The following CNTNAP2 variants were observed in gnomAD, a reference collection of about 807,000 sequenced individuals.
The protein encoded by CNTNAP2 is contactin-associated protein-like 2.
CNTNAP2 carries 98 observed loss-of-function variants against 155.2 expected under a neutral mutation model. That is an observed-to-expected ratio of 0.63 (90% CI 0.54 to 0.75). The LOEUF (loss-of-function observed/expected upper bound fraction) is 0.75. Among genes scored for constraint, CNTNAP2 ranks in the 30% least tolerant of loss-of-function variants. The pLI, the probability that CNTNAP2 is intolerant of heterozygous loss-of-function variation, is 0.00. For synonymous variants in CNTNAP2, 651 were observed against 631.2 expected (o/e 1.03, Z -0.47); for missense variants, 1,727 against 1,688.1 (o/e 1.02, Z -0.40).
chr7:146,876,053 C>T (rs1795422369), intron 3 of CNTNAP2, among the ~76,000 whole-genome samples: 1 of 151,402 alleles, frequency 6.6e-6, no homozygotes, highest in South Asian at 2.1e-4. Flanking sequence ...CTTCCCTCCT[C>T]TCTTACATTA....
chr7:148,056,701 G>C (rs1459080571), intron 15 of CNTNAP2: 2 of 152,180 alleles, frequency 1.3e-5, no homozygotes, highest in African/African-American at 2.4e-5. Context: ...GCTGAGTGTG[G>C]TTCAAATATT....
intron 16 of CNTNAP2, among the ~76,000 whole-genome samples, chr7:148,136,353 A>G (rs1002325828): frequency 7.2e-5 from 11 of 151,878 alleles, no homozygotes; most frequent in African/African-American, 2.7e-4. Flanking sequence ...TTCCCATGGT[A>G]ATGAGTTCAT....
At chr7:146,757,849 A>G (rs1201790658) in intron 1 of CNTNAP2, among the ~76,000 whole-genome samples, 2 of 150,750 alleles carry the variant, frequency 1.3e-5, no homozygotes, top group African/African-American at 4.9e-5. Context: ...AACTTTTCTC[A>G]TCTCTTGGTG....
intron 6 of CNTNAP2, among the ~76,000 whole-genome samples, chr7:147,126,219 A>T (rs1003824881): frequency 6.6e-6 from 1 of 152,142 alleles, no homozygotes; most frequent in Non-Finnish European, 1.5e-5. Flanking sequence ...GGAAGAAAGG[A>T]TATGTAGAGG....
chr7:146,776,739 A>G (rs759501011), intron 2 of CNTNAP2, among the ~76,000 whole-genome samples: 37 of 152,140 alleles, frequency 2.4e-4, no homozygotes, highest in Non-Finnish European at 4.9e-4. Context: ...TTTTGCTCTC[A>G]TTTAATTCTA....
At chr7:146,622,909 A>T (rs1160788512) in intron 1 of CNTNAP2, among the ~76,000 whole-genome samples, 1 of 151,318 alleles carries the variant, frequency 6.6e-6, no homozygotes, top group Non-Finnish European at 1.5e-5. Context: ...GTGAGCTGAG[A>T]TCATGCCATT....
chr7:147,090,955 C>A (rs965122065), intron 4 of CNTNAP2, among the ~76,000 whole-genome samples: 6 of 152,010 alleles, frequency 3.9e-5, no homozygotes, highest in Admixed American at 3.9e-4. Flanking sequence ...CATTTAGGAT[C>A]TAACTTAAAA....
chr7:146,610,231 A>C (rs1162501760), intron 1 of CNTNAP2, among the ~76,000 whole-genome samples: 1 of 152,118 alleles, frequency 6.6e-6, no homozygotes, highest in African/African-American at 2.4e-5. Context: ...ATTTATTAGG[A>C]TTATTCTCGT....
chr7:146,397,929 A>T (rs34199552), intron 1 of CNTNAP2, among the ~76,000 whole-genome samples: 1 of 147,602 alleles, frequency 6.8e-6, no homozygotes, highest in African/African-American at 2.6e-5. Flanking sequence ...GCTGGAGTGC[A>T]GTGGTGTGAT....
intron 2 of CNTNAP2, among the ~76,000 whole-genome samples, chr7:146,801,210 A>G (rs1264825927): frequency 6.6e-6 from 1 of 152,092 alleles, no homozygotes; most frequent in Admixed American, 6.6e-5. Context: ...GGCTCTTTTA[A>G]ACAACTAGCT....
intron 1 of CNTNAP2, among the ~76,000 whole-genome samples, chr7:146,244,151 G>A (rs1202447990): frequency 6.6e-6 from 1 of 152,184 alleles, no homozygotes; most frequent in African/African-American, 2.4e-5. Flanking sequence ...GAATTGGGAC[G>A]ACTCAGGACA....
chr7:147,691,661 T>G (rs950404285), intron 13 of CNTNAP2, among the ~76,000 whole-genome samples: 2 of 152,186 alleles, frequency 1.3e-5, no homozygotes, highest in African/African-American at 4.8e-5. Flanking sequence ...TCCGTTAACT[T>G]ATTTACTTGC....
At chr7:148,063,811 A>G (rs1294678282) in intron 15 of CNTNAP2, among the ~76,000 whole-genome samples, 1 of 152,026 alleles carries the variant, frequency 6.6e-6, no homozygotes, top group Non-Finnish European at 1.5e-5. Flanking sequence ...GCCTAAGCCA[A>G]TGTCTAGAAG....
chr7:147,125,002 T>C (rs1465220381), intron 6 of CNTNAP2, among the ~76,000 whole-genome samples: 1 of 148,084 alleles, frequency 6.8e-6, no homozygotes, highest in African/African-American at 2.5e-5. Flanking sequence ...TGGCTCAGCC[T>C]CCTGAGTAGC....
chr7:146,693,583 T>C (rs1800733361), intron 1 of CNTNAP2, among the ~76,000 whole-genome samples: 1 of 152,188 alleles, frequency 6.6e-6, no homozygotes, highest in Non-Finnish European at 1.5e-5. Flanking sequence ...GCCAGAATAT[T>C]ATACCTTGAC....
intron 3 of CNTNAP2, among the ~76,000 whole-genome samples, chr7:146,942,192 A>G (rs1411498127): frequency 6.6e-6 from 1 of 152,100 alleles, no homozygotes; most frequent in Non-Finnish European, 1.5e-5. Flanking sequence ...GAATGGAAAA[A>G]TACCTTCAAA....
intron 12 of CNTNAP2, among the ~76,000 whole-genome samples, chr7:147,583,008 A>G (rs1800537544): frequency 6.6e-6 from 1 of 152,166 alleles, no homozygotes; most frequent in Admixed American, 6.6e-5. Context: ...TATCAAGCAG[A>G]TTCCCAGGAA....
At chr7:146,161,123 A>C (rs1443908076) in intron 1 of CNTNAP2, among the ~76,000 whole-genome samples, 5 of 152,262 alleles carry the variant, frequency 3.3e-5, no homozygotes, top group South Asian at 2.1e-4. Context: ...CAATAGATGC[A>C]GAAAAGGCCT....
rs541954330 is a variant in CNTNAP2, at chr7:148,019,800, G to A, written c.2383+41811G>A. 1.3e-4 allele frequency among the ~76,000 whole-genome samples: 20 copies of A among 151,600 alleles called. 1 individual carries two copies. The South Asian group carries it at 3.8e-3, about 29-fold the overall frequency. On this transcript the variant is annotated intron_variant, in intron 15 of 23. Coordinates refer to ENST00000361727, the MANE Select transcript of CNTNAP2 (RefSeq NM_014141.6). ...GGGGGGAGGGGTGTGAGGGGAGGGT[G>A]AGGAGAATGGAGTTTCACTCTTGTC... is the stretch of plus-strand genomic sequence containing the variant.
Sources: gnomAD v4.1 joint callset for allele counts (sites outside exome capture counted in the v4.1 genomes callset) on GRCh38, gnomAD v4.1.1 for gene constraint, MANE v1.5 for transcripts, NCBI Gene and HGNC (gene_info 2026-07-23, HGNC 2026-07-21) for gene names.